HELZ: variants seen among roughly 807,000 people sequenced by gnomAD.
HELZ encodes the protein helicase with zinc finger, also known as ATP-dependent RNA helicase with zinc finger domain.
A neutral mutation model predicts 218.2 loss-of-function variants in HELZ; 23 were observed. The ratio of observed to expected loss-of-function variants is 0.11; its 90% CI spans 0.08 to 0.15. The LOEUF (loss-of-function observed/expected upper bound fraction) is 0.15. Ranked by LOEUF, HELZ falls within the 10% of genes least tolerant of loss-of-function variation. The pLI, the probability that HELZ is intolerant of heterozygous loss-of-function variation, is 1.00. For missense variants in HELZ, 1,813 were observed against 2,353.7 expected (o/e 0.77, Z 4.75); for synonymous variants, 814 against 829.4 (o/e 0.98, Z 0.32).
At chr17:67,164,131 G>A (rs1432267706) in intron 15 of HELZ, among the ~76,000 whole-genome samples, 1 of 152,064 alleles carries the variant, frequency 6.6e-6, no homozygotes, top group Non-Finnish European at 1.5e-5. Flanking sequence ...AAACCCTGTT[G>A]GTATTCAAAG....
chr17:67,156,652 T>G (rs192655794), intron 17 of HELZ, among the ~76,000 whole-genome samples: 61 of 152,242 alleles, frequency 4.0e-4, no homozygotes, highest in African/African-American at 1.4e-3. Flanking sequence ...AAGCTTTCTC[T>G]GCTTCCCTTC....
chr17:67,215,411 T>C (rs8080279), intron 5 of HELZ, among the ~76,000 whole-genome samples: 45,141 of 150,594 alleles, frequency 0.3, 9,089 homozygotes, highest in African/African-American at 0.58. Context: ...TGCAGTGCTG[T>C]GATATCGGCT....
chr17:67,117,017 C>T (rs543666357), intron 27 of HELZ, among the ~76,000 whole-genome samples: 27 of 152,170 alleles, frequency 1.8e-4, no homozygotes, highest in Middle Eastern at 6.8e-3. Context: ...CCACCACACC[C>T]GGCTAATCTT....
rs978891984 is a variant in HELZ at position 67,109,341 on chromosome 17, C to A, written c.4264G>T (p.Ala1422Ser). 8.1e-6 allele frequency: 13 copies of A among 1,614,012 alleles called. No homozygotes were observed. The African/African-American group carries it at 1.3e-4, about 17-fold the overall frequency. Residue 1422 changes from alanine (A) to serine (S), a missense_variant, in exon 29 of 33, where the codon GCA becomes TCA. Ala to Ser is a moderately conservative substitution (Grantham distance 99). Transcript: ENST00000358691. The stretch of plus-strand genomic sequence containing the variant: ...GCATTGTTGGGTCCCGCCTGATATG[C>A]AGGAGAAAGCTGAGGAGGTGGCTGC... ...PQQPPPQLSP[A>S]YQAGPNNAFF...
chr17:67,128,685 C>T lies in HELZ; in HGVS notation c.3353G>A (p.Gly1118Glu). The T allele has an allele frequency of 6.2e-7, 1 of 1,614,168 alleles. No homozygotes were observed. The highest frequency in any genetic ancestry group is 2.2e-5 in the East Asian group (1 of 44,884). Residue 1118 changes from glycine (G) to glutamate (E), a missense_variant, in exon 24 of 33, where the codon GGA becomes GAA. By Grantham distance (98) the Gly-to-Glu change is moderately conservative. Transcript: ENST00000358691. Reference sequence around the variant, plus strand: ...TGATTGCTGCTGTTTGTTGGTACTTCCTGAATGCTGCAGTCTTAGAGCCCG... The same window carrying T: ...TGATTGCTGCTGTTTGTTGGTACTTTCTGAATGCTGCAGTCTTAGAGCCCG... ...IPRALRLQHSGSTNKQQQSPP... is the reference protein window; with the variant it reads ...IPRALRLQHSESTNKQQQSPP...
intron 24 of HELZ, among the ~76,000 whole-genome samples, chr17:67,126,382 G>A (rs2037797329): frequency 6.6e-6 from 1 of 152,142 alleles, no homozygotes; most frequent in African/African-American, 2.4e-5. Flanking sequence ...GGCCTATGGA[G>A]TAAAAAGATA....
At chr17:67,098,411 A>T (rs539528004) in intron 31 of HELZ, among the ~76,000 whole-genome samples, 24 of 152,260 alleles carry the variant, frequency 1.6e-4, no homozygotes, top group Middle Eastern at 3.4e-3. Flanking sequence ...GTCTTTTTCA[A>T]TAAGAATATA....
At chr17:67,138,533 C>T (rs966428185) in intron 21 of HELZ, among the ~76,000 whole-genome samples, 2 of 152,206 alleles carry the variant, frequency 1.3e-5, no homozygotes, top group Non-Finnish European at 2.9e-5. Context: ...CTAGAAGCTT[C>T]CTGTCATCAG....
Position 67,108,858 on chromosome 17 carries a change from A to G in HELZ, c.4490-132T>C, listed in dbSNP as rs2037190098. ...CAAATTTGGTTTTGGTAAGAAGTAA[A>G]TGTTTTCTAAATTTGCCAGAAATCA... On this transcript the variant is annotated intron_variant, in intron 29 of 32. Coordinates refer to ENST00000358691, the MANE Select transcript of HELZ (RefSeq NM_014877.4). This position sits in a 1 kb window ranked among gnomAD's most constrained non-coding sequence, Gnocchi z 4.1. The G allele has an allele frequency of 1.3e-6, 1 of 746,854 alleles. No homozygotes were observed. The allele number at this position is 746,854 out of a possible 1,614,324, so 46.3% of individuals were successfully genotyped here.
intron 2 of HELZ, among the ~76,000 whole-genome samples, chr17:67,243,395 T>C (rs191472020): frequency 1.9e-3 from 282 of 152,290 alleles, no homozygotes; most frequent in African/African-American, 6.4e-3. Flanking sequence ...AAAATCCATA[T>C]ACATAATCAC....
In HELZ at chr17:67,208,196, C is replaced by G. The variant is rs559843103; in HGVS notation, c.248-4753G>C. On this transcript the variant is annotated intron_variant, in intron 5 of 32. Transcript: ENST00000358691. ...TAAGGAAGGGTGGTTGAGTGTGACTCTAAAGGAATAGTACATTTCCTGAGA... is the reference window on the plus strand; with the variant it reads ...TAAGGAAGGGTGGTTGAGTGTGACTGTAAAGGAATAGTACATTTCCTGAGA... Among the ~76,000 whole-genome samples, 3 of 151,788 alleles carry G rather than the reference C, an allele frequency of 2.0e-5. No homozygotes were observed. In the South Asian group the frequency reaches 6.2e-4, roughly 32 times the overall value.
At chr17:67,221,081 G>A (rs1173182090) in intron 3 of HELZ, among the ~76,000 whole-genome samples, 1 of 152,150 alleles carries the variant, frequency 6.6e-6, no homozygotes, top group African/African-American at 2.4e-5. Context: ...CTACAGCAAT[G>A]TTGCCCATTA....
upstream of HELZ, chr17:67,245,579 G>C: frequency 1.1e-6 from 1 of 951,504 alleles, no homozygotes; most frequent in Non-Finnish European, 1.3e-6. Context: ...TGTGCGCGTG[G>C]ATGTGAGCGT....
chr17:67,176,132 G>C (rs140073277), intron 13 of HELZ, among the ~76,000 whole-genome samples: 7 of 152,174 alleles, frequency 4.6e-5, no homozygotes, highest in African/African-American at 1.7e-4. Flanking sequence ...CAAAAGTAGA[G>C]AAAACTATTA....
At chr17:67,168,135 C>A (rs1027000208) in intron 13 of HELZ, among the ~76,000 whole-genome samples, 1 of 152,182 alleles carries the variant, frequency 6.6e-6, no homozygotes, top group Non-Finnish European at 1.5e-5. Context: ...ATGCCCACCA[C>A]GCCCGGCTAA....
intron 7 of HELZ, among the ~76,000 whole-genome samples, chr17:67,197,898 G>A (rs747853937): frequency 6.6e-6 from 1 of 151,720 alleles, no homozygotes; most frequent in East Asian, 1.9e-4. Context: ...TAAAACGAAG[G>A]GCTGAATATA....
chr17:67,070,675 G>C lies in HELZ; in HGVS notation c.*7577C>G, dbSNP rs1008467345. On this transcript the variant is annotated 3_prime_UTR_variant, in exon 33 of 33. Coordinates refer to ENST00000358691, the MANE Select transcript of HELZ (RefSeq NM_014877.4). ...AAGAAGAAAATAAAAACCCTAGAGA[G>C]TGGCTTTGGGGTTATTTTATGGTAC... is the stretch of plus-strand genomic sequence containing the variant. 4 of 152,136 alleles carry C rather than the reference G, an allele frequency of 2.6e-5. No individual in the cohort carries two copies. Among genetic ancestry groups the C allele is most frequent in the Non-Finnish European group, 4.4e-5 (3 of 68,016 alleles). The allele number at this position is 152,136 out of a possible 1,614,324, so 9.4% of individuals were successfully genotyped here.
chr17:67,147,530 T>G (rs2038537716), intron 20 of HELZ, among the ~76,000 whole-genome samples: 1 of 152,032 alleles, frequency 6.6e-6, no homozygotes, highest in Non-Finnish European at 1.5e-5. Context: ...CAGGCTGGAG[T>G]GCAACGGCAT....
intron 24 of HELZ, 190 bp downstream of exon 24, chr17:67,128,461 G>C (rs2037872007): frequency 1.6e-6 from 1 of 614,564 alleles, no homozygotes; most frequent in Non-Finnish European, 2.9e-6. Context: ...ATAACATTAA[G>C]CATGACTAAA....
Sources: allele counts gnomAD v4.1 joint callset (sites outside exome capture counted in the v4.1 genomes callset), GRCh38; gene constraint gnomAD v4.1.1; non-coding constraint Gnocchi (gnomAD v3.1); transcripts MANE v1.5; gene names NCBI Gene and HGNC (gene_info 2026-07-23, HGNC 2026-07-21).